Variants in VGLL4 observed in about 807,000 individuals in gnomAD.
VGLL4 encodes the protein transcription cofactor vestigial-like protein 4.
Under a neutral mutation model 21.0 loss-of-function variants are expected in VGLL4, and 7 were observed. The ratio of observed to expected loss-of-function variants is 0.33; its 90% CI spans 0.19 to 0.63. VGLL4 has a LOEUF of 0.63. Among genes scored for constraint, VGLL4 ranks in the 20% least tolerant of loss-of-function variants. VGLL4 has a pLI of 0.78. For synonymous variants in VGLL4, 222 were observed against 173.2 expected (o/e 1.28, Z -2.21); for missense variants, 394 against 425.7 (o/e 0.93, Z 0.66).
chr3:11,564,470 G>C (rs7617187), intron 3 of VGLL4, among the ~76,000 whole-genome samples: 84,212 of 151,800 alleles, frequency 0.55, 24,934 homozygotes, highest in African/African-American at 0.77. Flanking sequence ...AAGACTGCTG[G>C]AGGAAACACC....
At chr3:11,612,063 T>A (rs1428380454) in intron 1 of VGLL4, 2 of 152,050 alleles carry the variant, frequency 1.3e-5, no homozygotes, top group Admixed American at 1.3e-4. Context: ...GATAAAAGAA[T>A]GCCAAAGAAA....
chr3:11,681,172 A>G (rs1053681851), intron 2 of VGLL4, among the ~76,000 whole-genome samples: 13 of 152,198 alleles, frequency 8.5e-5, no homozygotes, highest in Non-Finnish European at 1.6e-4. Flanking sequence ...ATCTCCGCTC[A>G]CTGCAAGCTC....
chr3:11,575,128 A>G (rs946978336), intron 2 of VGLL4, among the ~76,000 whole-genome samples: 3 of 152,154 alleles, frequency 2.0e-5, no homozygotes, highest in African/African-American at 4.8e-5. Context: ...GCCTGGGGCC[A>G]TGTGGCTGGC....
chr3:11,566,733 C>A (rs778584740), intron 2 of VGLL4, among the ~76,000 whole-genome samples: 1 of 152,000 alleles, frequency 6.6e-6, no homozygotes, highest in Non-Finnish European at 1.5e-5. Context: ...AATCCCAAGG[C>A]GCCCCGTGCA....
At chr3:11,721,683 T>C (rs1022161776), upstream of VGLL4, 6 of 152,246 alleles carry the variant, frequency 3.9e-5, no homozygotes, top group African/African-American at 1.4e-4. Flanking sequence ...GAATGAGGAC[T>C]GCCTGGGCAG....
intron 2 of VGLL4, among the ~76,000 whole-genome samples, chr3:11,591,010 A>G (rs1007140166): frequency 2.6e-5 from 4 of 152,192 alleles, no homozygotes; most frequent in Admixed American, 1.3e-4. Flanking sequence ...TGTCACAGTA[A>G]GAGGTCTATG....
Position 11,643,756 on chromosome 3 carries a change from C to G in VGLL4, c.-238G>C. The stretch of plus-strand genomic sequence containing the variant: ...GGTAGACGGTGTATGTACTGTATCC[C>G]CGATCGAGTATGAAAACAGCGTTTC... On this transcript the variant is annotated 5_prime_UTR_variant, in exon 1 of 5. Transcript: ENST00000430365. 1 of 1,250,056 alleles carries G rather than the reference C, an allele frequency of 8.0e-7. No individual in the cohort carries two copies. The highest frequency in any genetic ancestry group is 1.0e-6 in the Non-Finnish European group (1 of 994,800). 77.4% of individuals were successfully genotyped at this position (1,250,056 alleles called of 1,614,324 possible).
chr3:11,562,591 T>G (rs1489825350), intron 3 of VGLL4, among the ~76,000 whole-genome samples: 2 of 152,228 alleles, frequency 1.3e-5, no homozygotes, highest in Non-Finnish European at 2.9e-5. Context: ...ACGTGGCTGC[T>G]TGGTGTCCTC....
intron 2 of VGLL4, among the ~76,000 whole-genome samples, chr3:11,593,940 A>G (rs1182806114): frequency 6.6e-6 from 1 of 152,202 alleles, no homozygotes; most frequent in Non-Finnish European, 1.5e-5. Flanking sequence ...CATGGCTTTG[A>G]TCCCAGTGTG....
chr3:11,656,487 G>A (rs749875303), intron 2 of VGLL4, among the ~76,000 whole-genome samples: 1 of 152,194 alleles, frequency 6.6e-6, no homozygotes, highest in Admixed American at 6.5e-5. Flanking sequence ...CCTGAGCTGG[G>A]GATCTTTGCA....
At chr3:11,593,520 T>G (rs1285811592) in intron 2 of VGLL4, among the ~76,000 whole-genome samples, 1 of 152,302 alleles carries the variant, frequency 6.6e-6, no homozygotes, top group East Asian at 1.9e-4. Flanking sequence ...TGTTTTTCCC[T>G]CTTTTTCTAT....
intron 2 of VGLL4, among the ~76,000 whole-genome samples, chr3:11,656,175 G>C (rs990329249): frequency 6.6e-6 from 1 of 152,204 alleles, no homozygotes; most frequent in South Asian, 2.1e-4. Context: ...AAGGAGGGGA[G>C]AATAATGAGA....
intron 1 of VGLL4, chr3:11,611,837 C>A (rs1253366571): frequency 1.3e-5 from 2 of 151,720 alleles, no homozygotes; most frequent in African/African-American, 4.8e-5. Context: ...CTCGACCTCC[C>A]AGGAATTCTT....
intron 1 of VGLL4, among the ~76,000 whole-genome samples, chr3:11,712,929 A>G (rs1327234426): frequency 6.6e-6 from 1 of 152,250 alleles, no homozygotes; most frequent in African/African-American, 2.4e-5. Flanking sequence ...TCACATTAAT[A>G]GTAACCAAGG....
At chr3:11,659,334 T>C (rs1164855448) in intron 2 of VGLL4, among the ~76,000 whole-genome samples, 25 of 141,426 alleles carry the variant, frequency 1.8e-4, no homozygotes, top group South Asian at 7.0e-4. Flanking sequence ...TTCTTTTTTT[T>C]TTTTTTTTTT....
intron 2 of VGLL4, among the ~76,000 whole-genome samples, chr3:11,677,523 C>T (rs886154139): frequency 6.6e-6 from 1 of 152,170 alleles, no homozygotes; most frequent in Non-Finnish European, 1.5e-5. Flanking sequence ...GATCCACCCA[C>T]CTTGGCCTCC....
rs2076245308 is a variant in VGLL4 at position 11,673,450 on chromosome 3, A to C, written c.64+29521T>G. Among the ~76,000 whole-genome samples the C allele has an allele frequency of 2.0e-5, 3 of 152,206 alleles. No individual in the cohort carries two copies. The South Asian group carries it at 6.2e-4, about 32-fold the overall frequency. On this transcript the variant is annotated intron_variant, in intron 2 of 5. Transcript: ENST00000273038. ...GAAAGGGGGAAAGGGGGGGAAGTAG[A>C]CTAGTCCGGGAGGTCCAAAAACTGA... is the stretch of plus-strand genomic sequence containing the variant.
At chr3:11,647,146 C>G (rs1258445622), upstream of VGLL4, among the ~76,000 whole-genome samples, 1 of 152,214 alleles carries the variant, frequency 6.6e-6, no homozygotes, top group African/African-American at 2.4e-5. Context: ...AACAGCCCGC[C>G]TCTGCAGGCT....
chr3:11,712,743 C>T (rs1212990547), intron 1 of VGLL4, among the ~76,000 whole-genome samples: 1 of 152,132 alleles, frequency 6.6e-6, no homozygotes, highest in African/African-American at 2.4e-5. Flanking sequence ...TCAAAGCAAA[C>T]CTTCCATTAG....
Sources: allele counts gnomAD v4.1 joint callset (sites outside exome capture counted in the v4.1 genomes callset), GRCh38; gene constraint gnomAD v4.1.1; transcripts MANE v1.5; gene names NCBI Gene and HGNC (gene_info 2026-07-23, HGNC 2026-07-21).